Variants in KLHL1 observed in about 807,000 individuals in gnomAD.
KLHL1 encodes kelch-like protein 1.
A neutral mutation model predicts 77.7 loss-of-function variants in KLHL1; 47 were observed. That is an observed-to-expected ratio of 0.60 (90% CI 0.48 to 0.77). The LOEUF (loss-of-function observed/expected upper bound fraction) is 0.77, where lower values mean the gene tolerates loss of function less well. Among genes scored for constraint, KLHL1 ranks in the 30% least tolerant of loss-of-function variants. The probability of loss-of-function intolerance (pLI) is 0.00; values close to 1 mark genes in which losing one functional copy is unlikely to be tolerated. For synonymous variants in KLHL1, 360 were observed against 325.2 expected (o/e 1.11, Z -1.15); for missense variants, 925 against 910.8 (o/e 1.02, Z -0.20).
chr13:70,061,118 C>T (rs1886871415), intron 1 of KLHL1, among the ~76,000 whole-genome samples: 1 of 152,062 alleles, frequency 6.6e-6, no homozygotes, highest in Non-Finnish European at 1.5e-5. Context: ...TGGTTATCTC[C>T]ATCCCCACCT....
intron 4 of KLHL1, chr13:69,894,768 G>C: frequency 4.4e-6 from 1 of 228,182 alleles, no homozygotes; most frequent in Non-Finnish European, 8.7e-6. Context: ...TAACATTCAG[G>C]ATGTGTGAGA....
At chr13:69,944,921 C>T (rs1216169143) in intron 3 of KLHL1, among the ~76,000 whole-genome samples, 1 of 140,478 alleles carries the variant, frequency 7.1e-6, no homozygotes, top group Admixed American at 7.5e-5. Context: ...AAATGATATA[C>T]AAAATTTACT....
intron 1 of KLHL1, among the ~76,000 whole-genome samples, chr13:70,057,769 C>T (rs1886781257): frequency 9.9e-6 from 1 of 101,062 alleles, no homozygotes; most frequent in South Asian, 3.8e-4. Context: ...GGCGACAGAG[C>T]GAGACTCCGT....
intron 3 of KLHL1, among the ~76,000 whole-genome samples, chr13:69,957,878 A>G (rs1174281766): frequency 6.6e-6 from 1 of 151,794 alleles, no homozygotes. Flanking sequence ...AAATGACATG[A>G]ACTTCATATT....
Position 69,721,874 on chromosome 13 carries a change from A to G in KLHL1, c.1803-2293T>C, listed in dbSNP as rs567003553. Among the ~76,000 whole-genome samples the G allele has an allele frequency of 3.3e-5, 5 of 152,220 alleles. No individual in the cohort carries two copies. In the South Asian group the frequency reaches 1.0e-3, roughly 32 times the overall value. On this transcript the variant is annotated intron_variant, in intron 8 of 10. Coordinates refer to ENST00000377844, the MANE Select transcript of KLHL1 (RefSeq NM_020866.3). ...AAAATTAACCAATAGGAACATTTTA[A>G]AAAACAAGTATTGAACAATTTAGCT...
chr13:69,862,808 T>C (rs1035702820), intron 5 of KLHL1, among the ~76,000 whole-genome samples: 6 of 152,078 alleles, frequency 3.9e-5, no homozygotes, highest in African/African-American at 1.4e-4. Context: ...GGAGGCTGTC[T>C]GCAAGCCAGG....
intron 4 of KLHL1, among the ~76,000 whole-genome samples, chr13:69,899,406 A>G (rs1881776974): frequency 1.3e-5 from 2 of 152,168 alleles, no homozygotes; most frequent in African/African-American, 2.4e-5. Context: ...ATTGTGTGGC[A>G]AGGTCATCCT....
At chr13:69,714,832 A>T (rs1224227761) in intron 9 of KLHL1, among the ~76,000 whole-genome samples, 4 of 152,004 alleles carry the variant, frequency 2.6e-5, no homozygotes. Flanking sequence ...GAGCTCAAGC[A>T]ATCCACAGTT....
At chr13:69,839,613 T>G (rs1026196933) in intron 5 of KLHL1, among the ~76,000 whole-genome samples, 24 of 152,010 alleles carry the variant, frequency 1.6e-4, no homozygotes, top group African/African-American at 5.5e-4. Context: ...TTTAAATCTC[T>G]TTTAAATTCA....
At chr13:70,071,110 C>A (rs1887128074) in intron 1 of KLHL1, among the ~76,000 whole-genome samples, 1 of 151,742 alleles carries the variant, frequency 6.6e-6, no homozygotes, top group Non-Finnish European at 1.5e-5. Flanking sequence ...AATTAAAAGC[C>A]AGAGACTCTG....
At chr13:69,764,083 G>T (rs556508955) in intron 7 of KLHL1, among the ~76,000 whole-genome samples, 140 of 152,254 alleles carry the variant, frequency 9.2e-4, no homozygotes, top group African/African-American at 2.8e-3. Flanking sequence ...AAATTGAGAG[G>T]TTGACAAAAT....
chr13:70,082,776 A>G (rs893744481), intron 1 of KLHL1, among the ~76,000 whole-genome samples: 1 of 152,140 alleles, frequency 6.6e-6, no homozygotes, highest in African/African-American at 2.4e-5. Flanking sequence ...TACCCCATGG[A>G]ACACTATGCA....
intron 6 of KLHL1, among the ~76,000 whole-genome samples, chr13:69,803,661 T>C (rs1877489685): frequency 6.6e-6 from 1 of 152,124 alleles, no homozygotes; most frequent in African/African-American, 2.4e-5. Context: ...TAGTGGTAGA[T>C]GGGGAAGGAG....
intron 6 of KLHL1, among the ~76,000 whole-genome samples, chr13:69,823,541 T>A (rs541447341): frequency 1.2e-4 from 19 of 152,198 alleles, no homozygotes; most frequent in Admixed American, 2.0e-4. Context: ...TACACACACA[T>A]ATAGCACCAT....
rs79192792 is a variant in KLHL1, at chr13:69,963,430, C to T, written c.681-1986G>A. ...ATGTGTGTTTAAAGTGGTTACTCTA[C>T]GGCAGCAACCAGAATTTTGTTTTCC... On this transcript the variant is annotated intron_variant, in intron 2 of 10. Coordinates refer to ENST00000377844, the MANE Select transcript of KLHL1 (RefSeq NM_020866.3). 3.5e-4 allele frequency among the ~76,000 whole-genome samples: 54 copies of T among 152,218 alleles called. No individual in the cohort carries two copies. The East Asian group carries it at 8.5e-3, about 24-fold the overall frequency.
At chr13:69,767,081 A>T (rs1251350151) in intron 7 of KLHL1, among the ~76,000 whole-genome samples, 2 of 152,212 alleles carry the variant, frequency 1.3e-5, no homozygotes, top group Non-Finnish European at 2.9e-5. Flanking sequence ...AACGAAAAAG[A>T]TACTAGGTGT....
chr13:69,973,427 G>A (rs930908448), intron 2 of KLHL1, among the ~76,000 whole-genome samples: 16 of 151,526 alleles, frequency 1.1e-4, no homozygotes, highest in Non-Finnish European at 1.9e-4. Flanking sequence ...TGCTTTTACT[G>A]AAAGAGCTAT....
chr13:69,929,977 C>T (rs970147505), intron 4 of KLHL1, among the ~76,000 whole-genome samples: 18 of 151,764 alleles, frequency 1.2e-4, no homozygotes, highest in South Asian at 8.3e-4. Context: ...TTATCCTGCT[C>T]GCTCCAGCTG....
At chr13:69,972,571 C>T (rs1376847061) in intron 2 of KLHL1, among the ~76,000 whole-genome samples, 3 of 151,772 alleles carry the variant, frequency 2.0e-5, no homozygotes, top group Non-Finnish European at 2.9e-5. Context: ...CATTATGAGC[C>T]CTATCTCACA....
Sources: gnomAD v4.1 joint callset for allele counts (sites outside exome capture counted in the v4.1 genomes callset) on GRCh38, gnomAD v4.1.1 for gene constraint, MANE v1.5 for transcripts, NCBI Gene and HGNC (gene_info 2026-07-23, HGNC 2026-07-21) for gene names.